Variants in ZDHHC14 observed in about 807,000 individuals in gnomAD.
The protein encoded by ZDHHC14 is palmitoyltransferase ZDHHC14.
Under a neutral mutation model 47.7 loss-of-function variants are expected in ZDHHC14, and 16 were observed. That is an observed-to-expected ratio of 0.34 (90% confidence interval 0.23 to 0.51). The LOEUF is 0.51. Among genes scored for constraint, ZDHHC14 ranks in the 20% least tolerant of loss-of-function variants. The pLI is 0.97. For missense variants in ZDHHC14, 515 were observed against 662.5 expected (o/e 0.78, Z 2.44); for synonymous variants, 293 against 278.9 (o/e 1.05, Z -0.50).
intron 4 of ZDHHC14, chr6:157,630,416 T>G (rs1218277508): frequency 6.6e-6 from 1 of 152,126 alleles, no homozygotes; most frequent in Non-Finnish European, 1.5e-5. Context: ...ATACCTAAAC[T>G]CAGGGAACAC....
intron 1 of ZDHHC14, among the ~76,000 whole-genome samples, chr6:157,384,590 T>C (rs1279434295): frequency 6.6e-6 from 1 of 152,246 alleles, no homozygotes; most frequent in African/African-American, 2.4e-5. Context: ...CTAGGCAATT[T>C]GACATTTCAA....
At chr6:157,615,587 C>T (rs916354861) in intron 3 of ZDHHC14, among the ~76,000 whole-genome samples, 1 of 152,178 alleles carries the variant, frequency 6.6e-6, no homozygotes, top group South Asian at 2.1e-4. Flanking sequence ...CTTGCTGAGG[C>T]CCAGAAACTG....
chr6:157,593,135 A>G lies in ZDHHC14; in HGVS notation c.554A>G (p.Asp185Gly). Residue 185 changes from aspartate to glycine, a missense_variant, in exon 3 of 9, where the codon GAT becomes GGT. Transcript: ENST00000359775. Reference sequence around the variant, plus strand: ...CGCGCCTCCCATTGCAGCCTTTGTGATAACTGCGTAGGTGAGTAGTGCCTG... The same window carrying G: ...CGCGCCTCCCATTGCAGCCTTTGTGGTAACTGCGTAGGTGAGTAGTGCCTG... ...PPRASHCSLC[D>G]NCVERFDHHC... is the part of the protein sequence containing the mutation. 3 of 1,612,694 alleles carry G rather than the reference A, an allele frequency of 1.9e-6. No homozygotes were observed.
intron 2 of ZDHHC14, among the ~76,000 whole-genome samples, chr6:157,579,191 T>TTG (rs200471779): frequency 0.067 from 3,173 of 47,126 alleles, 166 homozygotes; most frequent in Admixed American, 0.099. Context: ...TGATTCTGTG[T>TTG]TTTTTTTTTT....
chr6:157,649,461 T>C (rs1777717502), intron 7 of ZDHHC14, among the ~76,000 whole-genome samples: 1 of 152,126 alleles, frequency 6.6e-6, no homozygotes. Context: ...TGCCCCTCCC[T>C]CTCGTCCCCT....
At chr6:157,420,019 T>A (rs989738737) in intron 1 of ZDHHC14, among the ~76,000 whole-genome samples, 1 of 152,260 alleles carries the variant, frequency 6.6e-6, no homozygotes, top group Middle Eastern at 3.2e-3. Flanking sequence ...TTGTTTTAAT[T>A]TGCAATTTCC....
chr6:157,465,800 G>A (rs889407029), intron 1 of ZDHHC14, among the ~76,000 whole-genome samples: 1 of 152,158 alleles, frequency 6.6e-6, no homozygotes, highest in African/African-American at 2.4e-5. Context: ...TCAGCACTTT[G>A]GGAGGCTGAG....
At chr6:157,505,887 G>A (rs1362458268) in intron 1 of ZDHHC14, among the ~76,000 whole-genome samples, 1 of 152,234 alleles carries the variant, frequency 6.6e-6, no homozygotes, top group Non-Finnish European at 1.5e-5. Flanking sequence ...CCCTTGGTCA[G>A]ATGTAACTGA....
chr6:157,523,468 G>A (rs1188853250), intron 1 of ZDHHC14, among the ~76,000 whole-genome samples: 5 of 152,144 alleles, frequency 3.3e-5, no homozygotes, highest in African/African-American at 1.2e-4. Context: ...TGTCTCATCA[G>A]CTGCTTTGCA....
chr6:157,653,440 C>A, intron 7 of ZDHHC14, 85 bp from the exon 8 acceptor site: 2 of 1,422,932 alleles, frequency 1.4e-6, no homozygotes, highest in South Asian at 1.2e-5. Context: ...GAAGAGGGAG[C>A]CCCGACGCGG....
intron 3 of ZDHHC14, among the ~76,000 whole-genome samples, chr6:157,598,453 A>G (rs143966969): frequency 9.3e-4 from 142 of 152,310 alleles, no homozygotes; most frequent in African/African-American, 3.2e-3. Flanking sequence ...GTGCTGTGAC[A>G]ATAACTAAGT....
chr6:157,451,840 G>C (rs558211751), intron 1 of ZDHHC14, among the ~76,000 whole-genome samples: 30 of 152,328 alleles, frequency 2.0e-4, no homozygotes, highest in African/African-American at 7.2e-4. Flanking sequence ...GATTATAGGC[G>C]TGAGCCACTG....
chr6:157,633,680 T>C (rs1317262540), intron 5 of ZDHHC14, among the ~76,000 whole-genome samples: 1 of 152,174 alleles, frequency 6.6e-6, no homozygotes. Context: ...TATTCGTTTT[T>C]GTTTGTTTTG....
rs571931174 is a variant in ZDHHC14, at chr6:157,547,184, G to T, written c.406+4439G>T. Among the ~76,000 whole-genome samples the T allele has an allele frequency of 2.6e-5, 4 of 152,320 alleles. 1 individual carries two copies. The highest frequency in any genetic ancestry group is 9.6e-5 in the African/African-American group (4 of 41,568). ...TAGATGCACCCGTGTGTGCACGCAC[G>T]TGCACGTGTGTGTGTGTTCCTTCTC... On this transcript the variant is annotated intron_variant, in intron 2 of 8. Transcript: ENST00000359775.
chr6:157,533,873 T>C (rs1405344729), intron 1 of ZDHHC14, among the ~76,000 whole-genome samples: 1 of 152,256 alleles, frequency 6.6e-6, no homozygotes, highest in Non-Finnish European at 1.5e-5. Context: ...TTTTTTAAAA[T>C]GTATGCACAA....
intron 3 of ZDHHC14, among the ~76,000 whole-genome samples, chr6:157,626,021 GCA>G (rs753923614): frequency 6.6e-6 from 1 of 152,164 alleles, no homozygotes; most frequent in Non-Finnish European, 1.5e-5. Context: ...CGTCGGGAAA[GCA>G]CAGTGTCACA....
chr6:157,426,584 G>A (rs1344628969), intron 1 of ZDHHC14, among the ~76,000 whole-genome samples: 1 of 152,122 alleles, frequency 6.6e-6, no homozygotes, highest in African/African-American at 2.4e-5. Flanking sequence ...CCAGAAGAGA[G>A]GGTAGCCTGG....
At chr6:157,383,444 T>G (rs1163177438) in intron 1 of ZDHHC14, among the ~76,000 whole-genome samples, 1 of 152,192 alleles carries the variant, frequency 6.6e-6, no homozygotes, top group Non-Finnish European at 1.5e-5. Flanking sequence ...TGTTTCTGAT[T>G]AGGATTAATA....
At chr6:157,452,788 C>G (rs1484199040) in intron 1 of ZDHHC14, among the ~76,000 whole-genome samples, 1 of 148,698 alleles carries the variant, frequency 6.7e-6, no homozygotes, top group Non-Finnish European at 1.5e-5. Flanking sequence ...CTGCAAGCTC[C>G]GCCTCCCGGG....
Sources: gnomAD v4.1 joint callset for allele counts (sites outside exome capture counted in the v4.1 genomes callset) on GRCh38, gnomAD v4.1.1 for gene constraint, MANE v1.5 for transcripts, NCBI Gene and HGNC (gene_info 2026-07-23, HGNC 2026-07-21) for gene names.